The following POLR2M variants were observed in gnomAD, a reference collection of about 807,000 sequenced individuals.
The protein encoded by POLR2M is protein GRINL1A.
Under a neutral mutation model 34.6 loss-of-function variants are expected in POLR2M, and 30 were observed. The ratio of observed to expected loss-of-function variants is 0.87; its 90% confidence interval spans 0.65 to 1.18. The LOEUF is 1.18. POLR2M is among the 50% of genes most tolerant of loss of function. POLR2M has a pLI of 0.00. For synonymous variants in POLR2M, 150 were observed against 166.7 expected (o/e 0.90, Z 0.77); for missense variants, 432 against 448.7 (o/e 0.96, Z 0.34).
rs1382820215 is a variant in POLR2M, at chr15:57,717,381, C to G, written c.*2702C>G. ...AGATGCAGAGGAGGTCTTGCCAGCA[C>G]TCCAAAATCTCTGTGTGTCCCCTCT... is the stretch of plus-strand genomic sequence containing the variant. On this transcript the variant is annotated 3_prime_UTR_variant, in exon 4 of 4. Coordinates refer to ENST00000299638, the MANE Select transcript of POLR2M (RefSeq NM_015532.5). 6.6e-6 allele frequency: 1 copy of G among 152,174 alleles called. No individual in the cohort carries two copies. Among genetic ancestry groups the G allele is most frequent in the African/African-American group, 2.4e-5 (1 of 41,434 alleles). 9.4% of individuals were successfully genotyped at this position (152,174 alleles called of 1,614,324 possible). A position where few individuals can be genotyped will look rare whatever the true frequency, so the allele number is the denominator to read the frequency against.
At chr15:57,711,426 T>C (rs1342161802) in intron 2 of POLR2M, among the ~76,000 whole-genome samples, 1 of 152,220 alleles carries the variant, frequency 6.6e-6, no homozygotes, top group Admixed American at 6.5e-5. Context: ...CCCAGCCCTC[T>C]TTCTCGCTGT....
In POLR2M at chr15:57,708,863, C is replaced by A; in HGVS notation, c.263C>A (p.Ala88Glu). 6.2e-7 allele frequency: 1 copy of A among 1,613,988 alleles called. No individual in the cohort carries two copies. The highest frequency in any genetic ancestry group is 8.5e-7 in the Non-Finnish European group (1 of 1,179,880). Reference protein sequence around the residue: ...VSLDCKLRQKAIAEVDVGTDK... With the variant: ...VSLDCKLRQKEIAEVDVGTDK... ...TTAGACTGTAAGCTAAGGCAAAAAG[C>A]AATTGCAGAAGTTGATGTGGGTACA... The change falls in exon 2 of 4, where the codon GCA becomes GAA. Residue 88 changes from alanine (A) to glutamate (E), a missense_variant. Coordinates refer to ENST00000299638, the MANE Select transcript of POLR2M (RefSeq NM_015532.5).
chr15:57,714,037 C>T (rs112419632), intron 3 of POLR2M, among the ~76,000 whole-genome samples: 5,824 of 151,642 alleles, frequency 0.038, 131 homozygotes, highest in African/African-American at 0.063. Context: ...TTAGTAGAGA[C>T]GGGGATTCAT....
At position 57,716,181 on chromosome 15, in the gene POLR2M, TAATG is replaced by T. The variant is rs1489428764; in HGVS notation, c.*1503_*1506del. The T allele has an allele frequency of 1.3e-5, 2 of 152,286 alleles. No individual in the cohort carries two copies. The highest frequency in any genetic ancestry group is 3.8e-4 in the East Asian group (2 of 5,208). The allele number at this position is 152,286 out of a possible 1,614,324, so 9.4% of individuals were successfully genotyped here. ...ATTTATATTCTCAAAAATGAAATCA[TAATG>T]TACATTGCTTTGTAGTCTGCTCTAT... On this transcript the variant is annotated 3_prime_UTR_variant, in exon 4 of 4. Coordinates refer to ENST00000299638, the MANE Select transcript of POLR2M (RefSeq NM_015532.5).
At position 57,708,481 on chromosome 15, in the gene POLR2M, CT is replaced by C. The variant is rs200193943; in HGVS notation, c.114-232del. ...ATACTTTTGCTGAAATTCTAATTTGCTGAGACAAATGAGGCATATATTCCCT... is the reference window on the plus strand; with the variant it reads ...ATACTTTTGCTGAAATTCTAATTTGCGAGACAAATGAGGCATATATTCCCT... On this transcript the variant is annotated intron_variant, in intron 1 of 3. Coordinates refer to ENST00000299638, the MANE Select transcript of POLR2M (RefSeq NM_015532.5). Among the ~76,000 whole-genome samples the C allele has an allele frequency of 3.9e-3, 601 of 152,286 alleles. 10 individuals are homozygous for C. Among genetic ancestry groups the C allele is most frequent in the African/African-American group, 0.014 (579 of 41,546 alleles).
intron 2 of POLR2M, among the ~76,000 whole-genome samples, chr15:57,711,151 TC>T (rs1157152879): frequency 6.6e-6 from 1 of 152,210 alleles, no homozygotes; most frequent in Non-Finnish European, 1.5e-5. Flanking sequence ...TCGGTTTTCT[TC>T]CCCTAAGGTA....
rs766780020 is a variant in POLR2M at position 57,706,942 on chromosome 15, C to T, written c.100C>T (p.Leu34Phe). 3 of 1,602,018 alleles carry T rather than the reference C, an allele frequency of 1.9e-6. No homozygotes were observed. In the African/African-American group the frequency reaches 4.0e-5, roughly 21 times the overall value. Residue 34 changes from leucine to phenylalanine, a missense_variant, in exon 1 of 4, where the codon CTT becomes TTT. Coordinates refer to ENST00000299638, the MANE Select transcript of POLR2M (RefSeq NM_015532.5). The part of the protein sequence containing the change: ...LREMLKRQER[L>F]LRNEKFICKL... Reference sequence around the variant, plus strand: ...GGAAATGTTGAAGCGCCAGGAGAGACTTTTGCGCAACGAGTAAGCTGGGGT... The same window carrying T: ...GGAAATGTTGAAGCGCCAGGAGAGATTTTTGCGCAACGAGTAAGCTGGGGT...
At chr15:57,711,606 T>G (rs890366396) in intron 2 of POLR2M, among the ~76,000 whole-genome samples, 3 of 152,240 alleles carry the variant, frequency 2.0e-5, no homozygotes, top group Non-Finnish European at 4.4e-5. Flanking sequence ...CCACTAGAAC[T>G]GGCCATTTCC....
chr15:57,715,418 G>A lies in POLR2M; in HGVS notation c.*739G>A, dbSNP rs2040903369. 6.6e-6 allele frequency: 1 copy of A among 151,962 alleles called. No homozygotes were observed. Among genetic ancestry groups the A allele is most frequent in the South Asian group, 2.1e-4 (1 of 4,810 alleles). 9.4% of individuals were successfully genotyped at this position (151,962 alleles called of 1,614,324 possible). On this transcript the variant is annotated 3_prime_UTR_variant, in exon 4 of 4. Transcript: ENST00000299638. The stretch of plus-strand genomic sequence containing the variant: ...CAGGATCTCGGCTCACTGCAATCTA[G>A]GTGGAGGTCTTTTTAAATAACCTCA...
chr15:57,708,619 T>G, intron 1 of POLR2M, 95 bp from the exon 2 acceptor site: 4 of 1,196,714 alleles, frequency 3.3e-6, no homozygotes, highest in Non-Finnish European at 4.6e-6. Context: ...AAAATCAGCT[T>G]TTCTTTCTTT....
chr15:57,708,884 G>C lies in POLR2M; in HGVS notation c.284G>C (p.Gly95Ala). The C allele has an allele frequency of 6.2e-7, 1 of 1,614,026 alleles. No individual in the cohort carries two copies. The highest frequency in any genetic ancestry group is 8.5e-7 in the Non-Finnish European group (1 of 1,179,914). The change falls in exon 2 of 4, where the codon GGT (glycine) becomes GCT (alanine). Residue 95 changes from glycine to alanine, a missense_variant. Gly to Ala is a moderately conservative substitution (Grantham distance 60). Transcript: ENST00000299638. Reference protein sequence around the residue: ...RQKAIAEVDVGTDKAQNSDPI... With the variant: ...RQKAIAEVDVATDKAQNSDPI... ...AAAGCAATTGCAGAAGTTGATGTGG[G>C]TACAGATAAGGCCCAGAATTCTGAC...
In POLR2M at chr15:57,714,818, A is replaced by G; in HGVS notation, c.*139A>G. 7.2e-7 allele frequency: 1 copy of G among 1,395,966 alleles called. No individual in the cohort carries two copies. The highest frequency in any genetic ancestry group is 9.6e-7 in the Non-Finnish European group (1 of 1,041,192). 86.5% of individuals were successfully genotyped at this position (1,395,966 alleles called of 1,614,324 possible). A position where few individuals can be genotyped will look rare whatever the true frequency, so the allele number is the denominator to read the frequency against. On this transcript the variant is annotated 3_prime_UTR_variant, in exon 4 of 4. Transcript: ENST00000299638. ...ACAAAGGTAGTTATAAAAAAAGCCC[A>G]GTTTGTCTTTCAGAAGGTGACTTTC...
intron 2 of POLR2M, 97 bp from the exon 3 acceptor site, chr15:57,711,887 A>G: frequency 2.2e-6 from 3 of 1,381,526 alleles, no homozygotes; most frequent in Admixed American, 2.1e-5. Flanking sequence ...TTTGGAGGAG[A>G]ATTAATTGCT....
At chr15:57,713,836 T>C (rs2040836679) in intron 3 of POLR2M, among the ~76,000 whole-genome samples, 2 of 95,294 alleles carry the variant, frequency 2.1e-5, no homozygotes, top group African/African-American at 9.4e-5. Flanking sequence ...TTTTTTTTTT[T>C]TTTTTTTTTT....
intron 3 of POLR2M, 60 bp from the exon 4 acceptor site, chr15:57,714,476 G>C: frequency 6.3e-7 from 1 of 1,595,038 alleles, no homozygotes; most frequent in Non-Finnish European, 8.5e-7. Flanking sequence ...ACTTCCCATT[G>C]AAAAATTGTA....
chr15:57,713,208 A>AAC (rs10689720), intron 3 of POLR2M, among the ~76,000 whole-genome samples: 1 of 150,080 alleles, frequency 6.7e-6, no homozygotes. Flanking sequence ...AAAAAAAAAA[A>AAC]CAACAAAACA....
chr15:57,714,553 C>A lies in POLR2M; in HGVS notation c.981C>A (p.Leu327=). Residue 327 remains leucine (L), a synonymous_variant, in exon 4 of 4, where the codon CTC becomes CTA. Transcript: ENST00000299638. ...TTTTAAAGGAGATGCAAGCAAAGCT[C>A]GCAGCGCAAAAATTAGCTGAAAGAC... The part of the protein sequence containing the change: ...KQNYEEMQAK[L]AAQKLAERLN... 6.2e-7 allele frequency: 1 copy of A among 1,613,512 alleles called. No individual in the cohort carries two copies. Among genetic ancestry groups the A allele is most frequent in the Middle Eastern group, 1.7e-4 (1 of 6,036 alleles).
chr15:57,707,207 C>A, intron 1 of POLR2M: 1 of 1,446,422 alleles, frequency 6.9e-7, no homozygotes, highest in South Asian at 1.4e-5. Flanking sequence ...GTTAGTAGCC[C>A]CTGGTCGGTT....
rs201582621 is a variant in POLR2M, at chr15:57,714,554, G to A, written c.982G>A (p.Ala328Thr). The change falls in exon 4 of 4, where the codon GCA becomes ACA. Residue 328 changes from alanine (A) to threonine (T), a missense_variant. Physicochemically the swap from Ala to Thr is moderately conservative, Grantham distance 58. Transcript: ENST00000299638. ...TTTAAAGGAGATGCAAGCAAAGCTC[G>A]CAGCGCAAAAATTAGCTGAAAGACT... is the stretch of plus-strand genomic sequence containing the variant. ...QNYEEMQAKL[A>T]AQKLAERLNI... 20 of 1,613,622 alleles carry A rather than the reference G, an allele frequency of 1.2e-5. No homozygotes were observed. The highest frequency in any genetic ancestry group is 2.7e-5 in the African/African-American group (2 of 74,884).
Sources: gnomAD v4.1 joint callset for allele counts (sites outside exome capture counted in the v4.1 genomes callset) on GRCh38, gnomAD v4.1.1 for gene constraint, MANE v1.5 for transcripts, NCBI Gene and HGNC (gene_info 2026-07-23, HGNC 2026-07-21) for gene names.